Variants in HOXC5 observed in about 807,000 individuals in gnomAD.
The protein encoded by HOXC5 is homeobox protein Hox-C5.
HOXC5 carries 19 observed loss-of-function variants against 20.1 expected under a neutral mutation model. The observed-to-expected ratio is 0.94, with a 90% CI of 0.66 to 1.38. The LOEUF (loss-of-function observed/expected upper bound fraction) is 1.38, where lower values mean the gene tolerates loss of function less well. HOXC5 is among the 40% of genes most tolerant of loss of function. The pLI, the probability that HOXC5 is intolerant of heterozygous loss-of-function variation, is 0.00. For missense variants in HOXC5, 330 were observed against 300.1 expected, an observed-to-expected ratio of 1.10 and a Z score of -0.74; for synonymous variants, 124 against 117.0, an observed-to-expected ratio of 1.06 and a Z score of -0.39.
Position 54,033,195 on chromosome 12 carries a change from G to A in HOXC5, c.73G>A (p.Gly25Arg). The change falls in exon 1 of 2, where the codon GGG becomes AGG. Residue 25 changes from glycine (G) to arginine (R), a missense_variant. Physicochemically the swap from Gly to Arg is moderately radical, Grantham distance 125. Transcript: ENST00000312492. ...NIPAYNMQTC[G>R]NYGSASEVQA... ...CCCTGCCTATAACATGCAAACTTGT[G>A]GGAACTATGGATCGGCCTCAGAGGT... is the stretch of plus-strand genomic sequence containing the variant. The A allele has an allele frequency of 6.2e-7, 1 of 1,614,156 alleles. No individual in the cohort carries two copies. Among genetic ancestry groups the A allele is most frequent in the Non-Finnish European group, 8.5e-7 (1 of 1,180,030 alleles).
At chr12:54,026,935 T>TC in the HOXC5 span, among the ~76,000 whole-genome samples, 4 of 143,344 alleles carry the variant, frequency 2.8e-5, no homozygotes, top group South Asian at 2.2e-4. Context: ...ATAGCCAGCT[T>TC]TCCCCCCCCC....
upstream of HOXC5, among the ~76,000 whole-genome samples, chr12:54,032,486 GC>G (rs1941023252): frequency 1.3e-5 from 2 of 152,230 alleles, no homozygotes; most frequent in Non-Finnish European, 2.9e-5. Flanking sequence ...CTGGGCATAG[GC>G]CACCTTACCT....
the HOXC5 span, among the ~76,000 whole-genome samples, chr12:54,025,534 G>C: frequency 3.7e-4 from 19 of 51,232 alleles, 1 homozygote; most frequent in Admixed American, 2.6e-3. Context: ...AATTGGGGGG[G>C]GGGGAGGTGT....
At position 54,033,550 on chromosome 12, in the gene HOXC5, G is replaced by T; in HGVS notation, c.428G>T (p.Trp143Leu). 6.3e-7 allele frequency: 1 copy of T among 1,596,134 alleles called. No individual in the cohort carries two copies. The highest frequency in any genetic ancestry group is 8.5e-7 in the Non-Finnish European group (1 of 1,175,822). Reference protein sequence around the residue: ...QPPAPPQIYPWMTKLHMSHET... With the variant: ...QPPAPPQIYPLMTKLHMSHET... The stretch of plus-strand genomic sequence containing the variant: ...CCGGCCCCGCCACAGATTTACCCGT[G>T]GATGACCAAACTGCACATGAGCCAC... Residue 143 changes from tryptophan to leucine, a missense_variant, in exon 1 of 2, where the codon TGG becomes TTG. Coordinates refer to ENST00000312492, the MANE Select transcript of HOXC5 (RefSeq NM_018953.4).
chr12:54,030,776 G>A (rs1397545992), upstream of HOXC5: 1 of 152,422 alleles, frequency 6.6e-6, no homozygotes, highest in Non-Finnish European at 1.5e-5. Flanking sequence ...CAACCTCTGG[G>A]TCCGTTCTCG....
At chr12:54,028,751 T>C (rs775380956), upstream of HOXC5, 3 of 1,614,058 alleles carry the variant, frequency 1.9e-6, no homozygotes, top group South Asian at 2.2e-5. Context: ...TCTAATTCCT[T>C]TTACCAGGAG....
chr12:54,025,747 C>A, the HOXC5 span, among the ~76,000 whole-genome samples: 1 of 152,286 alleles, frequency 6.6e-6, no homozygotes, highest in East Asian at 1.9e-4. Context: ...CTGAGGCTCA[C>A]ATTCTGCCTC....
chr12:54,029,702 C>T, upstream of HOXC5: 1 of 1,614,080 alleles, frequency 6.2e-7, no homozygotes, highest in Non-Finnish European at 8.5e-7. Flanking sequence ...GATCTACTCG[C>T]GGTACCAGAC....
the HOXC5 span, among the ~76,000 whole-genome samples, chr12:54,018,543 G>T: frequency 3.3e-5 from 5 of 152,232 alleles, no homozygotes; most frequent in Non-Finnish European, 5.9e-5. Flanking sequence ...ATGGCCTGTT[G>T]TATAGTCTTA....
rs146874223 is a variant in HOXC5, at chr12:54,033,388, A to G, written c.266A>G (p.Asp89Gly). The G allele has an allele frequency of 2.8e-4, 454 of 1,612,658 alleles. No individual in the cohort carries two copies. Among genetic ancestry groups the G allele is most frequent in the Non-Finnish European group, 3.7e-4 (432 of 1,179,590 alleles). Reference protein sequence around the residue: ...AAAPGHAPGRDEAAPLNPGMY... With the variant: ...AAAPGHAPGRGEAAPLNPGMY... Reference sequence around the variant, plus strand: ...GCTCCGGGACACGCTCCGGGCAGAGACGAAGCGGCTCCTCTGAACCCCGGG... The same window carrying G: ...GCTCCGGGACACGCTCCGGGCAGAGGCGAAGCGGCTCCTCTGAACCCCGGG... Residue 89 changes from aspartate to glycine, a missense_variant, in exon 1 of 2, where the codon GAC becomes GGC. Asp to Gly is a moderately conservative substitution (Grantham distance 94, BLOSUM62 -1). Coordinates refer to ENST00000312492, the MANE Select transcript of HOXC5 (RefSeq NM_018953.4).
the HOXC5 span, among the ~76,000 whole-genome samples, chr12:54,025,533 G>GT: frequency 2.1e-5 from 1 of 48,424 alleles, no homozygotes; most frequent in African/African-American, 6.9e-5. Flanking sequence ...TAATTGGGGG[G>GT]GGGGGAGGTG....
the HOXC5 span, chr12:54,021,380 G>A: frequency 6.6e-6 from 1 of 152,334 alleles, no homozygotes; most frequent in Non-Finnish European, 1.5e-5. Context: ...CACGGGAGAG[G>A]ACGCTGGACC....
At position 54,033,440 on chromosome 12, in the gene HOXC5, G is replaced by A. The variant is rs376224435; in HGVS notation, c.318G>A (p.Pro106=). 2.5e-6 allele frequency: 4 copies of A among 1,600,932 alleles called. No homozygotes were observed. In the African/African-American group the frequency reaches 4.0e-5, roughly 16 times the overall value. The change falls in exon 1 of 2, where the codon CCG becomes CCA. Residue 106 remains proline, a synonymous_variant. Coordinates refer to ENST00000312492, the MANE Select transcript of HOXC5 (RefSeq NM_018953.4). ...PGMYSQKAAR[P]ALEERAKSSG... ...TGTACAGTCAGAAGGCGGCTCGCCC[G>A]GCGCTGGAGGAGCGAGCTAAGAGCA... is the stretch of plus-strand genomic sequence containing the variant.
upstream of HOXC5, chr12:54,028,712 G>T (rs1565741324): frequency 1.2e-5 from 20 of 1,613,954 alleles, no homozygotes; most frequent in Non-Finnish European, 1.6e-5. Flanking sequence ...GTCGTGTTCA[G>T]TTCCAGCCGG....
upstream of HOXC5, chr12:54,030,051 C>T (rs1940923998): frequency 3.2e-6 from 4 of 1,256,486 alleles, no homozygotes; most frequent in Non-Finnish European, 4.3e-6. Context: ...TTATCACTGG[C>T]ACAATTGATG....
At chr12:54,023,661 G>A in the HOXC5 span, among the ~76,000 whole-genome samples, 3 of 152,168 alleles carry the variant, frequency 2.0e-5, no homozygotes, top group African/African-American at 4.8e-5. Flanking sequence ...TGGTCAGCCC[G>A]GGCCCTGTCC....
the HOXC5 span, among the ~76,000 whole-genome samples, chr12:54,023,284 G>T: frequency 6.6e-6 from 1 of 152,194 alleles, no homozygotes; most frequent in Non-Finnish European, 1.5e-5. Flanking sequence ...CCTATTTTAC[G>T]TTTTAACCTT....
chr12:54,034,585 G>A lies in HOXC5; in HGVS notation c.*93G>A. 1 of 1,104,668 alleles carries A rather than the reference G, an allele frequency of 9.1e-7. No individual in the cohort carries two copies. The highest frequency in any genetic ancestry group is 1.3e-6 in the Non-Finnish European group (1 of 760,188). 68.4% of individuals were successfully genotyped at this position (1,104,668 alleles called of 1,614,324 possible). A position where few individuals can be genotyped will look rare whatever the true frequency, so the allele number is the denominator to read the frequency against. On this transcript the variant is annotated 3_prime_UTR_variant, in exon 2 of 2. Coordinates refer to ENST00000312492, the MANE Select transcript of HOXC5 (RefSeq NM_018953.4). Reference sequence around the variant, plus strand: ...CTTTCCTCTCTATATTTCGGGTCGGGGGCAGGTGCTGGAGCACTGGGCTCC... The same window carrying A: ...CTTTCCTCTCTATATTTCGGGTCGGAGGCAGGTGCTGGAGCACTGGGCTCC...
At chr12:54,018,892 G>T in the HOXC5 span, among the ~76,000 whole-genome samples, 3 of 152,154 alleles carry the variant, frequency 2.0e-5, no homozygotes, top group South Asian at 6.2e-4. Context: ...AAGTCCCAGT[G>T]GGGGAGGGGA....
Sources: gnomAD v4.1 joint callset for allele counts (sites outside exome capture counted in the v4.1 genomes callset) on GRCh38, gnomAD v4.1.1 for gene constraint, MANE v1.5 for transcripts, NCBI Gene and HGNC (gene_info 2026-07-23, HGNC 2026-07-21) for gene names.